SYT15: variants seen among roughly 807,000 people sequenced by gnomAD.
SYT15 encodes synaptotagmin-15.
In SYT15, 4 loss-of-function variants were observed where a neutral mutation model predicts 30.1. The observed-to-expected ratio is 0.13, with a 90% CI of 0.07 to 0.30. SYT15 has a LOEUF of 0.30. Among genes scored for constraint, SYT15 ranks in the 10% least tolerant of loss-of-function variants. SYT15 has a pLI of 1.00. For missense variants in SYT15, 49 were observed against 371.7 expected (o/e 0.13, Z 7.14); for synonymous variants, 19 against 166.3 (o/e 0.11, Z 6.82).
chr10:46,584,400 G>T (rs149091072), intron 5 of SYT15, 95 bp from the exon 6 acceptor site: 20 of 1,464,122 alleles, frequency 1.4e-5, no homozygotes, highest in East Asian at 2.3e-5. Context: ...CGCATGGACC[G>T]CTAGGAGGAA....
intron 7 of SYT15, among the ~76,000 whole-genome samples, chr10:46,586,241 CAAAAAAAA>C (rs375456623): frequency 4.6e-4 from 10 of 21,644 alleles, no homozygotes; most frequent in South Asian, 2.0e-3. Context: ...CTGAATCTGT[CAAAAAAAA>C]AAAAAAAAAA....
chr10:46,595,188 C>T (rs1353686551), downstream of SYT15, among the ~76,000 whole-genome samples: 5 of 133,936 alleles, frequency 3.7e-5, no homozygotes, highest in South Asian at 2.3e-4. Flanking sequence ...AGTGCAGTGG[C>T]GCCATCTCAG....
downstream of SYT15, among the ~76,000 whole-genome samples, chr10:46,594,493 G>A (rs1165176624): frequency 7.4e-6 from 1 of 135,970 alleles, no homozygotes; most frequent in Non-Finnish European, 1.5e-5. Flanking sequence ...CTCAGCAGAT[G>A]CCTCAAGGGG....
At chr10:46,586,240 T>A (rs1589014797) in intron 7 of SYT15, among the ~76,000 whole-genome samples, 2 of 1,498 alleles carry the variant, frequency 1.3e-3, no homozygotes, top group Admixed American at 0.014. Flanking sequence ...GCTGAATCTG[T>A]CAAAAAAAAA....
At position 46,590,689 on chromosome 10, in the gene SYT15, G is replaced by A. The variant is rs1555043334; in HGVS notation, c.*3042G>A. 1 of 143,362 alleles carries A rather than the reference G, an allele frequency of 7.0e-6. No individual in the cohort carries two copies. Among genetic ancestry groups the A allele is most frequent in the African/African-American group, 2.7e-5 (1 of 37,294 alleles). The allele number at this position is 143,362 out of a possible 1,614,324, so 8.9% of individuals were successfully genotyped here. A position where few individuals can be genotyped will look rare whatever the true frequency, so the allele number is the denominator to read the frequency against. ...TCATCCTCAATCTCAGGGGTGGTGGGTGTGGCATGTGGAGAGTTGTCAATA... is the reference window on the plus strand; with the variant it reads ...TCATCCTCAATCTCAGGGGTGGTGGATGTGGCATGTGGAGAGTTGTCAATA... On this transcript the variant is annotated 3_prime_UTR_variant, in exon 8 of 8. Coordinates refer to ENST00000374321, the MANE Select transcript of SYT15 (RefSeq NM_031912.5).
downstream of SYT15, among the ~76,000 whole-genome samples, chr10:46,592,542 G>A (rs1845496508): frequency 8.7e-6 from 1 of 114,416 alleles, no homozygotes; most frequent in Non-Finnish European, 1.8e-5. Flanking sequence ...TCTGCTGGCA[G>A]CAAATTTTCT....
chr10:46,590,914 C>G lies in SYT15; in HGVS notation c.*3267C>G, dbSNP rs1321738877. 1 of 139,904 alleles carries G rather than the reference C, an allele frequency of 7.1e-6. No homozygotes were observed. Among genetic ancestry groups the G allele is most frequent in the Non-Finnish European group, 1.5e-5 (1 of 65,198 alleles). The allele number at this position is 139,904 out of a possible 1,614,324, so 8.7% of individuals were successfully genotyped here. On this transcript the variant is annotated 3_prime_UTR_variant, in exon 8 of 8. Transcript: ENST00000374321. ...CTTATACTAATTGACTGTTGAATGT[C>G]AAACCAAACTTAACATTCTTGTAAT... is the stretch of plus-strand genomic sequence containing the variant.
chr10:46,596,728 G>A, downstream of SYT15: 1 of 383,166 alleles, frequency 2.6e-6, no homozygotes, highest in South Asian at 1.9e-5. Context: ...CTGCAAGCTA[G>A]TTGGGGAGGG....
At chr10:46,592,566 G>GT (rs1316045996), downstream of SYT15, among the ~76,000 whole-genome samples, 283 of 74,208 alleles carry the variant, frequency 3.8e-3, no homozygotes, top group Middle Eastern at 9.1e-3. Flanking sequence ...GTTTTTTTGT[G>GT]TTTTTTTGTT....
Position 46,588,707 on chromosome 10 carries a change from T to A in SYT15, c.*1060T>A. 1.1e-6 allele frequency: 1 copy of A among 912,816 alleles called. No individual in the cohort carries two copies. The highest frequency in any genetic ancestry group is 1.3e-6 in the Non-Finnish European group (1 of 776,200). The allele number at this position is 912,816 out of a possible 1,614,324, so 56.5% of individuals were successfully genotyped here. ...TTTCTTTTTTTTTTTTTTATTTTAA[T>A]TTTTTGAGACGGAGTTTCCCTCTTG... On this transcript the variant is annotated 3_prime_UTR_variant, in exon 8 of 8. Transcript: ENST00000374321.
At position 46,591,268 on chromosome 10, in the gene SYT15, G is replaced by C. The variant is rs1555043628; in HGVS notation, c.*3621G>C. 1 of 55,656 alleles carries C rather than the reference G, an allele frequency of 1.8e-5. No homozygotes were observed. The allele number at this position is 55,656 out of a possible 1,614,324, so 3.4% of individuals were successfully genotyped here. ...AGCTACTTGGAGGGCTGGGGCAGGAGTATTGCGTGAGCCCGGGAGGTTAAG... is the reference window on the plus strand; with the variant it reads ...AGCTACTTGGAGGGCTGGGGCAGGACTATTGCGTGAGCCCGGGAGGTTAAG... On this transcript the variant is annotated 3_prime_UTR_variant, in exon 8 of 8. Transcript: ENST00000374321.
At chr10:46,595,355 G>A (rs1463342040), downstream of SYT15, among the ~76,000 whole-genome samples, 1 of 152,060 alleles carries the variant, frequency 6.6e-6, no homozygotes, top group Non-Finnish European at 1.5e-5. Flanking sequence ...TGCTCTTGTT[G>A]CCCAGGCTGG....
chr10:46,596,912 T>A, downstream of SYT15: 1 of 340,856 alleles, frequency 2.9e-6, no homozygotes, highest in South Asian at 2.2e-5. Context: ...GAACAGAGCC[T>A]ATTTTTATAG....
intron 7 of SYT15, among the ~76,000 whole-genome samples, chr10:46,586,241 C>CAAAA (rs375456623): frequency 7.9e-4 from 17 of 21,632 alleles, no homozygotes; most frequent in African/African-American, 9.1e-4. Flanking sequence ...CTGAATCTGT[C>CAAAA]AAAAAAAAAA....
chr10:46,588,776 C>T lies in SYT15; in HGVS notation c.*1129C>T. On this transcript the variant is annotated 3_prime_UTR_variant, in exon 8 of 8. Coordinates refer to ENST00000374321, the MANE Select transcript of SYT15 (RefSeq NM_031912.5). ...AATGGCGTGATCTCGGCTCACTGCA[C>T]CCTCCACCTCCCAGGTTCAAGCGAT... The T allele has an allele frequency of 1.6e-5, 2 of 125,014 alleles. 1 individual carries two copies. The highest frequency in any genetic ancestry group is 3.3e-5 in the Non-Finnish European group (2 of 60,528). The allele number at this position is 125,014 out of a possible 1,614,324, so 7.7% of individuals were successfully genotyped here.
chr10:46,592,371 C>T (rs554449), downstream of SYT15, among the ~76,000 whole-genome samples: 4 of 134,910 alleles, frequency 3.0e-5, no homozygotes, highest in African/African-American at 1.2e-4. Context: ...TTACACCTAA[C>T]GAGACATTAT....
Position 46,591,088 on chromosome 10 carries a change from C to T in SYT15, c.*3441C>T, listed in dbSNP as rs1555043530. 1 of 117,528 alleles carries T rather than the reference C, an allele frequency of 8.5e-6. No homozygotes were observed. The highest frequency in any genetic ancestry group is 1.7e-5 in the Non-Finnish European group (1 of 57,432). The allele number at this position is 117,528 out of a possible 1,614,324, so 7.3% of individuals were successfully genotyped here. ...AATAAAATAAAATTTAGATTTAAGT[C>T]GAGCTCAGTGGCTCACATCTATTAT... On this transcript the variant is annotated 3_prime_UTR_variant, in exon 8 of 8. Transcript: ENST00000374321.
At chr10:46,592,480 T>C (rs1465631380), downstream of SYT15, among the ~76,000 whole-genome samples, 1 of 138,028 alleles carries the variant, frequency 7.2e-6, no homozygotes, top group African/African-American at 2.8e-5. Flanking sequence ...CTATCATAGA[T>C]CAGTTTTCTT....
chr10:46,580,732 G>T lies in SYT15; in HGVS notation c.213-162G>T, dbSNP rs560189019. ...TGTGTGTGTGTGCGTGTGTGTGTGT[G>T]TGTGTTGCCTGGTATGGGCCCAGAA... is the stretch of plus-strand genomic sequence containing the variant. On this transcript the variant is annotated intron_variant, in intron 2 of 7. Transcript: ENST00000374321. Among the ~76,000 whole-genome samples the T allele has an allele frequency of 6.2e-4, 87 of 140,228 alleles. 11 individuals carry two copies. The highest frequency in any genetic ancestry group is 2.3e-3 in the African/African-American group (82 of 35,204). 92.0% of individuals were successfully genotyped at this position (140,228 alleles called of 152,430 possible). A position where few individuals can be genotyped will look rare whatever the true frequency, so the allele number is the denominator to read the frequency against.
Sources: allele counts gnomAD v4.1 joint callset (sites outside exome capture counted in the v4.1 genomes callset), GRCh38; gene constraint gnomAD v4.1.1; transcripts MANE v1.5; gene names NCBI Gene and HGNC (gene_info 2026-07-23, HGNC 2026-07-21).